PPP1R13B: variants seen among roughly 807,000 people sequenced by gnomAD.
PPP1R13B encodes the protein protein phosphatase 1 regulatory subunit 13B.
In PPP1R13B, 44 loss-of-function variants were observed where a neutral mutation model predicts 119.8. The ratio of observed to expected loss-of-function variants is 0.37; its 90% CI spans 0.29 to 0.47. PPP1R13B has a LOEUF of 0.47. PPP1R13B is among the 20% of genes least tolerant of loss of function. The pLI is 0.99. For synonymous variants in PPP1R13B, 542 were observed against 561.5 expected (o/e 0.97, Z 0.49); for missense variants, 1,227 against 1,413.5 (o/e 0.87, Z 2.12).
intron 4 of PPP1R13B, among the ~76,000 whole-genome samples, chr14:103,762,580 C>G (rs2084833740): frequency 6.9e-6 from 1 of 145,522 alleles, no homozygotes; most frequent in South Asian, 2.2e-4. Flanking sequence ...CACATGTACC[C>G]TAAAACTTAA....
At chr14:103,790,583 C>G (rs1251476868) in intron 2 of PPP1R13B, among the ~76,000 whole-genome samples, 1 of 152,082 alleles carries the variant, frequency 6.6e-6, no homozygotes, top group Non-Finnish European at 1.5e-5. Context: ...TTGAGGTCAG[C>G]CTGGGCAACA....
intron 1 of PPP1R13B, chr14:103,803,981 T>C: frequency 2.2e-6 from 2 of 899,156 alleles, no homozygotes; most frequent in Non-Finnish European, 2.7e-6. Context: ...AGTACAACTT[T>C]CTTACATTAA....
At chr14:103,752,562 T>G (rs1595725975) in intron 7 of PPP1R13B, among the ~76,000 whole-genome samples, 1 of 131,206 alleles carries the variant, frequency 7.6e-6, no homozygotes, top group African/African-American at 3.0e-5. Context: ...TGAGACAGAG[T>G]CTCACTCTGT....
chr14:103,811,646 CCACTGCA>C (rs2086158715), intron 1 of PPP1R13B, among the ~76,000 whole-genome samples: 2 of 151,678 alleles, frequency 1.3e-5, no homozygotes, highest in Admixed American at 1.3e-4. Context: ...TATGACTGTG[CCACTGCA>C]CTCCAGCCTG....
Position 103,825,849 on chromosome 14 carries a change from T to C in PPP1R13B, c.9+21450A>G, listed in dbSNP as rs8010311. Among the ~76,000 whole-genome samples the C allele has an allele frequency of 1.2e-3, 84 of 70,564 alleles. 1 individual carries two copies. Among genetic ancestry groups the C allele is most frequent in the South Asian group, 2.1e-3 (6 of 2,902 alleles). The allele number at this position is 70,564 out of a possible 152,430, so 46.3% of individuals were successfully genotyped here. A position where few individuals can be genotyped will look rare whatever the true frequency, so the allele number is the denominator to read the frequency against. ...GTAGACAGTGATTTTTTCTTTTCTT[T>C]TTTTTTTTTTTTTGAGAGAGAGTCT... On this transcript the variant is annotated intron_variant, in intron 1 of 16. Transcript: ENST00000202556.
rs2087078632 is a variant in PPP1R13B at position 103,847,427 on chromosome 14, G to A, written c.-120C>T. 9.8e-7 allele frequency: 1 copy of A among 1,019,582 alleles called. No individual in the cohort carries two copies. The highest frequency in any genetic ancestry group is 1.2e-6 in the Non-Finnish European group (1 of 853,570). The allele number at this position is 1,019,582 out of a possible 1,614,324, so 63.2% of individuals were successfully genotyped here. On this transcript the variant is annotated 5_prime_UTR_variant, in exon 1 of 17. Transcript: ENST00000202556. The stretch of plus-strand genomic sequence containing the variant: ...TCCCGCCGCCGTGCTCTCCGGCCCG[G>A]CCGCGGCGAGGCGGCAGCTGCGGCG...
intron 7 of PPP1R13B, among the ~76,000 whole-genome samples, chr14:103,750,466 G>A (rs766563687): frequency 2.6e-5 from 4 of 152,174 alleles, no homozygotes; most frequent in Non-Finnish European, 4.4e-5. Flanking sequence ...TTAAACTTTC[G>A]GATGCCCACA....
Position 103,762,800 on chromosome 14 carries a change from GC to G in PPP1R13B, c.355-5050del, listed in dbSNP as rs560324675. 1.4e-4 allele frequency: 110 copies of G among 804,724 alleles called. 1 individual carries two copies. The African/African-American group carries it at 1.7e-3, about 12-fold the overall frequency. 49.8% of individuals were successfully genotyped at this position (804,724 alleles called of 1,614,324 possible). ...GTGGTGGCGGCGGCCGCCCGCTCCA[GC>G]CATGCTGAATAAAAACAGGAAGGAG... is the stretch of plus-strand genomic sequence containing the variant. On this transcript the variant is annotated intron_variant, in intron 4 of 16. Transcript: ENST00000202556.
At chr14:103,818,433 A>G in intron 1 of PPP1R13B, 1 of 923,448 alleles carries the variant, frequency 1.1e-6, no homozygotes, top group Non-Finnish European at 1.3e-6. Context: ...ACAACAACCT[A>G]TATTATGGAG....
Position 103,821,035 on chromosome 14 carries a change from T to C in PPP1R13B, c.10-23517A>G, listed in dbSNP as rs539569235. On this transcript the variant is annotated intron_variant, in intron 1 of 16. Coordinates refer to ENST00000202556, the MANE Select transcript of PPP1R13B (RefSeq NM_015316.3). ...TTCAAGCTATCAAAAAGATCAGTCA[T>C]AAAATCTTAGAGCCAGATTAGAACC... Among the ~76,000 whole-genome samples, 76 of 152,004 alleles carry C rather than the reference T, an allele frequency of 5.0e-4. 1 individual carries two copies. In the South Asian group the frequency reaches 7.9e-3, roughly 16 times the overall value.
At chr14:103,783,111 T>C (rs2085375493) in intron 3 of PPP1R13B, among the ~76,000 whole-genome samples, 1 of 151,826 alleles carries the variant, frequency 6.6e-6, no homozygotes, top group African/African-American at 2.4e-5. Context: ...TAGCCAAGTT[T>C]TTTTCCTATC....
At chr14:103,826,911 C>T (rs2086558737) in intron 1 of PPP1R13B, among the ~76,000 whole-genome samples, 1 of 151,694 alleles carries the variant, frequency 6.6e-6, no homozygotes, top group African/African-American at 2.4e-5. Context: ...ACTGGGGAGG[C>T]TGAGGCAAGA....
rs2084172207 is a variant in PPP1R13B, at chr14:103,738,654, C to T, written c.2864+25G>A. ...GCAAAGCAGGGAAAGTAAATCTGTC[C>T]ACCCCACACTCCTACGGGCCTCACC... On this transcript the variant is annotated intron_variant, in intron 14 of 16. Coordinates refer to ENST00000202556, the MANE Select transcript of PPP1R13B (RefSeq NM_015316.3). This position sits in a 1 kb window ranked among gnomAD's most constrained non-coding sequence, Gnocchi z 5.6. The T allele has an allele frequency of 6.2e-7, 1 of 1,612,386 alleles. No homozygotes were observed. The highest frequency in any genetic ancestry group is 2.2e-5 in the East Asian group (1 of 44,786).
Position 103,784,933 on chromosome 14 carries a change from C to T in PPP1R13B, c.158-19G>A, listed in dbSNP as rs778975186. On this transcript the variant is annotated intron_variant, in intron 2 of 16. Coordinates refer to ENST00000202556, the MANE Select transcript of PPP1R13B (RefSeq NM_015316.3). ...GGACGTTCTAGGAAAAAGACCACAT[C>T]TTTTTTACTCCAGAATTAAAATGAC... is the stretch of plus-strand genomic sequence containing the variant. 2.0e-5 allele frequency: 31 copies of T among 1,542,730 alleles called. No individual in the cohort carries two copies. In the East Asian group the frequency reaches 7.1e-4, roughly 35 times the overall value.
chr14:103,768,028 A>T (rs1368493167), intron 4 of PPP1R13B, among the ~76,000 whole-genome samples: 3 of 152,036 alleles, frequency 2.0e-5, no homozygotes, highest in Admixed American at 1.3e-4. Flanking sequence ...TTGTGTCTTT[A>T]TTCTGTCTAC....
At chr14:103,821,472 C>G (rs1178674784) in intron 1 of PPP1R13B, among the ~76,000 whole-genome samples, 1 of 152,204 alleles carries the variant, frequency 6.6e-6, no homozygotes, top group Non-Finnish European at 1.5e-5. Context: ...CAGAGGAGCA[C>G]TGGGCACAGT....
chr14:103,800,669 CAAAA>C (rs1305847519), intron 1 of PPP1R13B, among the ~76,000 whole-genome samples: 1 of 147,270 alleles, frequency 6.8e-6, no homozygotes, highest in South Asian at 2.2e-4. Flanking sequence ...ACAAAAAAAA[CAAAA>C]AACAAAAAAA....
intron 2 of PPP1R13B, among the ~76,000 whole-genome samples, chr14:103,785,883 C>T (rs1567122235): frequency 6.6e-6 from 1 of 152,110 alleles, no homozygotes; most frequent in Non-Finnish European, 1.5e-5. Flanking sequence ...TCAGGCGTGG[C>T]AATCAGAGGT....
At chr14:103,839,252 T>C (rs539036932) in intron 1 of PPP1R13B, among the ~76,000 whole-genome samples, 2 of 152,114 alleles carry the variant, frequency 1.3e-5, no homozygotes, top group South Asian at 4.2e-4. Context: ...AACCTTGTGA[T>C]CTGCCCACCT....
Sources: gnomAD v4.1 joint callset for allele counts (sites outside exome capture counted in the v4.1 genomes callset) on GRCh38, gnomAD v4.1.1 for gene constraint, Gnocchi (gnomAD v3.1) non-coding constraint, MANE v1.5 for transcripts, NCBI Gene and HGNC (gene_info 2026-07-23, HGNC 2026-07-21) for gene names.